The following GLIPR1L1 variants were observed in gnomAD, a reference collection of about 807,000 sequenced individuals.
GLIPR1L1 encodes the protein GLIPR1-like protein 1.
GLIPR1L1 carries 26 observed loss-of-function variants against 29.9 expected under a neutral mutation model. The ratio of observed to expected loss-of-function variants is 0.87; its 90% CI spans 0.64 to 1.21. GLIPR1L1 has a LOEUF of 1.21. Ranked by LOEUF, GLIPR1L1 falls within the 50% of genes most tolerant of loss-of-function variation. GLIPR1L1 has a pLI of 0.00. For synonymous variants in GLIPR1L1, 77 were observed against 97.5 expected (o/e 0.79, Z 1.24); for missense variants, 305 against 290.3 (o/e 1.05, Z -0.37).
At chr12:75,351,200 C>A (rs2042786340) in intron 3 of GLIPR1L1, among the ~76,000 whole-genome samples, 1 of 152,124 alleles carries the variant, frequency 6.6e-6, no homozygotes, top group Non-Finnish European at 1.5e-5. Flanking sequence ...TAAGATTGAA[C>A]CTATGACTGA....
intron 1 of GLIPR1L1, among the ~76,000 whole-genome samples, chr12:75,335,868 T>A (rs968999234): frequency 2.6e-5 from 4 of 151,996 alleles, no homozygotes; most frequent in African/African-American, 7.2e-5. Context: ...AATTCAGAAA[T>A]ACTAATATTA....
chr12:75,344,374 G>A (rs1048973449), intron 2 of GLIPR1L1, among the ~76,000 whole-genome samples: 13 of 151,818 alleles, frequency 8.6e-5, no homozygotes, highest in African/African-American at 2.9e-4. Flanking sequence ...ACATCTTTAA[G>A]TTTGCTAATC....
rs1164613574 is a variant in GLIPR1L1 at position 75,369,804 on chromosome 12, G to GCC, written c.611-156_611-155insCC. 1.6e-5 allele frequency: 16 copies of GCC among 981,966 alleles called. No individual in the cohort carries two copies. In the East Asian group the frequency reaches 1.8e-3, roughly 112 times the overall value. 60.8% of individuals were successfully genotyped at this position (981,966 alleles called of 1,614,324 possible). A position where few individuals can be genotyped will look rare whatever the true frequency, so the allele number is the denominator to read the frequency against. On this transcript the variant is annotated intron_variant, in intron 4 of 5. Transcript: ENST00000378695. ...TAGGAAGCATCGTAAAGAGTTTTAAGTACTGTAGGATTGAGTAGGAAAGTT... is the reference window on the plus strand; with the variant it reads ...TAGGAAGCATCGTAAAGAGTTTTAAGCCTACTGTAGGATTGAGTAGGAAAGTT...
At chr12:75,364,408 A>G (rs2043827118) in intron 4 of GLIPR1L1, among the ~76,000 whole-genome samples, 1 of 152,240 alleles carries the variant, frequency 6.6e-6, no homozygotes, top group Non-Finnish European at 1.5e-5. Context: ...CATTTACTTT[A>G]TCGCATAGTG....
intron 3 of GLIPR1L1, 99 bp from the exon 4 acceptor site, chr12:75,363,003 T>G: frequency 1.8e-6 from 1 of 568,272 alleles, no homozygotes; most frequent in Non-Finnish European, 3.2e-6. Context: ...TTTCAACATT[T>G]ATGACTTAAT....
intron 3 of GLIPR1L1, among the ~76,000 whole-genome samples, chr12:75,358,089 C>T (rs1342065709): frequency 6.6e-6 from 1 of 150,942 alleles, no homozygotes; most frequent in Non-Finnish European, 1.5e-5. Context: ...TAAAATTTAT[C>T]ATCTGCAAAC....
intron 3 of GLIPR1L1, among the ~76,000 whole-genome samples, chr12:75,362,771 A>G (rs1185902881): frequency 6.6e-6 from 1 of 152,170 alleles, no homozygotes; most frequent in Non-Finnish European, 1.5e-5. Context: ...TCATACTTAA[A>G]TATTACTTAT....
chr12:75,352,957 G>A (rs566490016), intron 3 of GLIPR1L1, among the ~76,000 whole-genome samples: 5 of 152,124 alleles, frequency 3.3e-5, no homozygotes, highest in African/African-American at 4.8e-5. Flanking sequence ...TAAGAACAAC[G>A]ATATAACACA....
chr12:75,366,275 T>C (rs576796489), intron 4 of GLIPR1L1, among the ~76,000 whole-genome samples: 1 of 152,126 alleles, frequency 6.6e-6, no homozygotes, highest in Non-Finnish European at 1.5e-5. Flanking sequence ...AGCCATAAGA[T>C]ATTAATACAA....
chr12:75,354,643 T>C (rs2043033766), intron 3 of GLIPR1L1, among the ~76,000 whole-genome samples: 1 of 152,164 alleles, frequency 6.6e-6, no homozygotes, highest in South Asian at 2.1e-4. Flanking sequence ...AAAATTCATA[T>C]GGAACCAAAA....
At chr12:75,354,767 G>C (rs1222262518) in intron 3 of GLIPR1L1, among the ~76,000 whole-genome samples, 2 of 152,060 alleles carry the variant, frequency 1.3e-5, no homozygotes, top group Non-Finnish European at 2.9e-5. Context: ...GCATGGTACT[G>C]GTACAAAAAC....
chr12:75,359,263 A>C (rs1021369347), intron 3 of GLIPR1L1, among the ~76,000 whole-genome samples: 12 of 151,242 alleles, frequency 7.9e-5, no homozygotes, highest in African/African-American at 2.9e-4. Context: ...ATGTACTGAA[A>C]ACTACATAAT....
At chr12:75,359,396 G>A (rs1351604128) in intron 3 of GLIPR1L1, among the ~76,000 whole-genome samples, 2 of 40,994 alleles carry the variant, frequency 4.9e-5, no homozygotes, top group East Asian at 1.6e-3. Flanking sequence ...TTGCTGAATT[G>A]ATCTATGAAT....
intron 2 of GLIPR1L1, among the ~76,000 whole-genome samples, chr12:75,344,777 C>A (rs1373290317): frequency 6.6e-6 from 1 of 152,054 alleles, no homozygotes; most frequent in East Asian, 1.9e-4. Flanking sequence ...AAGTTACCTG[C>A]AATTTATTTG....
Position 75,334,690 on chromosome 12 carries a change from G to T in GLIPR1L1, c.-39G>T. 3.1e-6 allele frequency: 5 copies of T among 1,590,332 alleles called. No homozygotes were observed. The highest frequency in any genetic ancestry group is 4.3e-6 in the Non-Finnish European group (5 of 1,168,076). On this transcript the variant is annotated 5_prime_UTR_variant, in exon 1 of 6. Transcript: ENST00000378695. ...GGGTTGCCCCAGCCGTTACTGGTCC[G>T]CGCAGTCAGGGCATCCTCCGCATCC...
At chr12:75,346,234 A>G (rs1457767056) in intron 2 of GLIPR1L1, among the ~76,000 whole-genome samples, 1 of 152,162 alleles carries the variant, frequency 6.6e-6, no homozygotes, top group Non-Finnish European at 1.5e-5. Flanking sequence ...TTGGAAATAT[A>G]TATATTTTAG....
intron 1 of GLIPR1L1, among the ~76,000 whole-genome samples, chr12:75,339,598 C>A (rs966843013): frequency 6.6e-6 from 1 of 152,030 alleles, no homozygotes; most frequent in Non-Finnish European, 1.5e-5. Flanking sequence ...TAATTAGATA[C>A]CATTTGTCCA....
intron 4 of GLIPR1L1, among the ~76,000 whole-genome samples, chr12:75,367,619 T>C (rs1229506131): frequency 2.0e-5 from 3 of 152,124 alleles, no homozygotes; most frequent in Non-Finnish European, 4.4e-5. Flanking sequence ...ATTGATTTTA[T>C]TGCCTTAAAA....
chr12:75,362,537 T>C (rs1458153291), intron 3 of GLIPR1L1, among the ~76,000 whole-genome samples: 2 of 152,218 alleles, frequency 1.3e-5, no homozygotes, highest in African/African-American at 2.4e-5. Context: ...TATTCTTTAA[T>C]GGAATACTAC....
Sources: allele counts gnomAD v4.1 joint callset (sites outside exome capture counted in the v4.1 genomes callset), GRCh38; gene constraint gnomAD v4.1.1; transcripts MANE v1.5; gene names NCBI Gene and HGNC (gene_info 2026-07-23, HGNC 2026-07-21).